PIP5K1B: variants seen among roughly 807,000 people sequenced by gnomAD.
PIP5K1B encodes phosphatidylinositol 4-phosphate 5-kinase type-1 beta.
Under a neutral mutation model 67.0 loss-of-function variants are expected in PIP5K1B, and 42 were observed. The observed-to-expected ratio is 0.63, with a 90% confidence interval of 0.49 to 0.81. PIP5K1B has a LOEUF of 0.81. Among genes scored for constraint, PIP5K1B ranks in the 30% least tolerant of loss-of-function variants. The probability of loss-of-function intolerance (pLI) is 0.00; values close to 1 mark genes in which losing one functional copy is unlikely to be tolerated. For synonymous variants in PIP5K1B, 214 were observed against 231.4 expected, an observed-to-expected ratio of 0.92 and a Z score of 0.68; for missense variants, 459 against 646.3, an observed-to-expected ratio of 0.71 and a Z score of 3.14.
chr9:68,904,795 T>A (rs1336337935), intron 8 of PIP5K1B, among the ~76,000 whole-genome samples: 1 of 151,748 alleles, frequency 6.6e-6, no homozygotes, highest in Non-Finnish European at 1.5e-5. Flanking sequence ...ACCAAAGTAT[T>A]ATCAAAATTT....
intron 6 of PIP5K1B, among the ~76,000 whole-genome samples, chr9:68,880,699 C>T (rs1391452322): frequency 6.6e-6 from 1 of 152,054 alleles, no homozygotes; most frequent in African/African-American, 2.4e-5. Context: ...CATTTGTCCA[C>T]CTCCCTCATT....
intron 1 of PIP5K1B, among the ~76,000 whole-genome samples, chr9:68,734,135 T>C (rs1045959467): frequency 3.9e-5 from 6 of 152,234 alleles, no homozygotes; most frequent in African/African-American, 1.2e-4. Context: ...TCCTACCTCA[T>C]TGACTTATTG....
intron 4 of PIP5K1B, among the ~76,000 whole-genome samples, chr9:68,829,920 G>C (rs1834194038): frequency 6.6e-6 from 1 of 152,166 alleles, no homozygotes; most frequent in Non-Finnish European, 1.5e-5. Context: ...TGGGGACGGA[G>C]CACTGGATTC....
chr9:68,867,225 T>C (rs1347093289), intron 5 of PIP5K1B, among the ~76,000 whole-genome samples: 5 of 152,208 alleles, frequency 3.3e-5, no homozygotes, highest in African/African-American at 7.2e-5. Context: ...AAAGAATTAT[T>C]GTCCCGGTTT....
chr9:68,890,276 C>T (rs1039132696), intron 7 of PIP5K1B, among the ~76,000 whole-genome samples: 2 of 152,158 alleles, frequency 1.3e-5, no homozygotes, highest in Non-Finnish European at 2.9e-5. Context: ...ATTTACTACA[C>T]GTTTACTCCA....
At chr9:68,767,593 T>TAA (rs36028796) in intron 2 of PIP5K1B, among the ~76,000 whole-genome samples, 1 of 128,402 alleles carries the variant, frequency 7.8e-6, no homozygotes, top group Non-Finnish European at 1.6e-5. Flanking sequence ...GACTCTGTCT[T>TAA]AAAAAAAAAA....
intron 2 of PIP5K1B, among the ~76,000 whole-genome samples, chr9:68,744,827 G>A (rs1829203554): frequency 6.6e-6 from 1 of 152,196 alleles, no homozygotes; most frequent in South Asian, 2.1e-4. Context: ...TGGGGCTGCT[G>A]CACTCTCTTC....
chr9:68,745,299 A>G lies in PIP5K1B; in HGVS notation c.-86+2642A>G, dbSNP rs192526412. ...ACTGGACTGCAGCCTGCTTGCTTCA[A>G]TCATTCTCTCCTTTTAGCCACCAAC... On this transcript the variant is annotated intron_variant, in intron 2 of 15. Transcript: ENST00000265382. Among the ~76,000 whole-genome samples, 33 of 152,278 alleles carry G rather than the reference A, an allele frequency of 2.2e-4. No individual in the cohort carries two copies. In the East Asian group the frequency reaches 6.2e-3, roughly 28 times the overall value.
At chr9:68,983,461 T>TG (rs976957887) in intron 14 of PIP5K1B, among the ~76,000 whole-genome samples, 27 of 150,036 alleles carry the variant, frequency 1.8e-4, no homozygotes, top group Admixed American at 6.0e-4. Flanking sequence ...TGTGTGTGTG[T>TG]TTTTTTTTTC....
intron 5 of PIP5K1B, 133 bp from the exon 6 acceptor site, chr9:68,876,544 G>T: frequency 1.6e-6 from 1 of 619,290 alleles, no homozygotes; most frequent in South Asian, 2.0e-5. Context: ...TGAACTTTGA[G>T]AAACCCGCTC....
At chr9:68,825,917 T>G (rs1051303422) in intron 4 of PIP5K1B, among the ~76,000 whole-genome samples, 1 of 152,144 alleles carries the variant, frequency 6.6e-6, no homozygotes, top group African/African-American at 2.4e-5. Flanking sequence ...TTCCACGTGT[T>G]ATTAGGGAAC....
chr9:68,938,545 C>T (rs1351641793), intron 13 of PIP5K1B, among the ~76,000 whole-genome samples: 6 of 152,046 alleles, frequency 3.9e-5, no homozygotes, highest in Non-Finnish European at 7.4e-5. Flanking sequence ...TTGACTCTAT[C>T]CAATTTGCCA....
chr9:69,000,641 A>G (rs544030180), intron 15 of PIP5K1B, among the ~76,000 whole-genome samples: 12 of 152,232 alleles, frequency 7.9e-5, no homozygotes, highest in Middle Eastern at 3.4e-3. Context: ...TCTGTATCCA[A>G]AATTCCCCTT....
chr9:68,740,795 C>T (rs1245504382), intron 1 of PIP5K1B, among the ~76,000 whole-genome samples: 3 of 152,186 alleles, frequency 2.0e-5, no homozygotes, highest in African/African-American at 7.2e-5. Flanking sequence ...CTCTAGGCAA[C>T]GTGATATAAT....
rs1229690521 is a variant in PIP5K1B, at chr9:68,940,715, C to A, written c.1427C>A (p.Ala476Glu). The A allele has an allele frequency of 3.1e-6, 5 of 1,613,824 alleles. No homozygotes were observed. Among genetic ancestry groups the A allele is most frequent in the Middle Eastern group, 1.6e-4 (1 of 6,082 alleles). Residue 476 changes from alanine to glutamate, a missense_variant, in exon 14 of 16, where the codon GCA (alanine) becomes GAA (glutamate). Transcript: ENST00000265382. ...TCACTGTTTGAAGCTGCTTCCTTGG[C>A]AACCACAATTTCATCTTCTTCCTTA... ...TPSLFEAASL[A>E]TTISSSSLYV...
Position 68,775,965 on chromosome 9 carries a change from A to G in PIP5K1B, c.-86+33308A>G, listed in dbSNP as rs7850137. On this transcript the variant is annotated intron_variant, in intron 2 of 15. Transcript: ENST00000265382. ...AACATTCTTGTGCATGTCTTTTAGT[A>G]GACAGATGCCCTCATTTCTCTTGGT... 5.1e-3 allele frequency among the ~76,000 whole-genome samples: 778 copies of G among 152,308 alleles called. 7 individuals are homozygous for G. The highest frequency in any genetic ancestry group is 0.018 in the African/African-American group (752 of 41,564).
chr9:68,717,597 A>G (rs962882670), intron 1 of PIP5K1B, among the ~76,000 whole-genome samples: 1 of 152,180 alleles, frequency 6.6e-6, no homozygotes, highest in Non-Finnish European at 1.5e-5. Flanking sequence ...TAGTACCCTC[A>G]TGTGACAGAA....
intron 14 of PIP5K1B, among the ~76,000 whole-genome samples, chr9:68,986,276 T>A (rs958988151): frequency 7.2e-5 from 11 of 152,230 alleles, no homozygotes; most frequent in Admixed American, 4.6e-4. Context: ...TTTTCTATGA[T>A]AACTATCCCA....
chr9:68,918,473 G>GT lies in PIP5K1B; in HGVS notation c.983+716dup, dbSNP rs36003807. 8.2e-4 allele frequency among the ~76,000 whole-genome samples: 125 copies of GT among 152,298 alleles called. 1 individual carries two copies. Among genetic ancestry groups the GT allele is most frequent in the Non-Finnish European group, 1.3e-3 (90 of 68,014 alleles). ...TTTGTCTGCCTAAGGGGATTCTGTT[G>GT]TTCTAGTCCTGCACCCTGACAGATG... On this transcript the variant is annotated intron_variant, in intron 9 of 15. Transcript: ENST00000265382.
Sources: allele counts gnomAD v4.1 joint callset (sites outside exome capture counted in the v4.1 genomes callset), GRCh38; gene constraint gnomAD v4.1.1; transcripts MANE v1.5; gene names NCBI Gene and HGNC (gene_info 2026-07-23, HGNC 2026-07-21).